Variants in KIAA1328 observed in about 807,000 individuals in gnomAD.
The protein encoded by KIAA1328 is protein hinderin.
A neutral mutation model predicts 68.1 loss-of-function variants in KIAA1328; 52 were observed. The ratio of observed to expected loss-of-function variants is 0.76; its 90% CI spans 0.61 to 0.96. The LOEUF (loss-of-function observed/expected upper bound fraction) is 0.96. Among genes scored for constraint, KIAA1328 ranks in the 40% least tolerant of loss-of-function variants. The probability of loss-of-function intolerance (pLI) is 0.00; values close to 1 mark genes in which losing one functional copy is unlikely to be tolerated. For synonymous variants in KIAA1328, 232 were observed against 239.4 expected (o/e 0.97, Z 0.28); for missense variants, 641 against 677.6 (o/e 0.95, Z 0.60).
chr18:37,031,373 T>G (rs1411877873), intron 6 of KIAA1328, among the ~76,000 whole-genome samples: 1 of 152,198 alleles, frequency 6.6e-6, no homozygotes, highest in African/African-American at 2.4e-5. Context: ...TTAGGATTAT[T>G]ATATAGTCTT....
In KIAA1328 at chr18:37,180,058, CCACACACACACACA is replaced by C. The variant is rs139301794; in HGVS notation, c.1523+7012_1523+7025del. 8.4e-3 allele frequency among the ~76,000 whole-genome samples: 1,127 copies of C among 134,154 alleles called. 16 individuals are homozygous for C. The highest frequency in any genetic ancestry group is 0.027 in the African/African-American group (989 of 37,234). The allele number at this position is 134,154 out of a possible 152,430, so 88.0% of individuals were successfully genotyped here. ...TGACAGCTGCCATGGGATTCAAAAG[CCACACACACACACA>C]CACACACACACACACACACACACAC... On this transcript the variant is annotated intron_variant, in intron 9 of 9. Transcript: ENST00000280020.
intron 3 of KIAA1328, among the ~76,000 whole-genome samples, chr18:36,837,981 ACTT>A (rs1568058939): frequency 6.6e-6 from 1 of 152,044 alleles, no homozygotes; most frequent in African/African-American, 2.4e-5. Flanking sequence ...AAGTCCTCCA[ACTT>A]CTTCTTTTTC....
At chr18:36,876,260 C>A (rs2048121521) in intron 4 of KIAA1328, among the ~76,000 whole-genome samples, 1 of 152,038 alleles carries the variant, frequency 6.6e-6, no homozygotes, top group Non-Finnish European at 1.5e-5. Flanking sequence ...CCTCTTTGTA[C>A]CTCTGATAGA....
At chr18:36,957,795 T>C (rs367727661) in intron 5 of KIAA1328, among the ~76,000 whole-genome samples, 31 of 152,304 alleles carry the variant, frequency 2.0e-4, no homozygotes, top group Middle Eastern at 3.4e-3. Context: ...TTTAAAATAA[T>C]AACTTTATTG....
chr18:37,068,022 A>C (rs2056406341), intron 7 of KIAA1328, among the ~76,000 whole-genome samples: 1 of 152,126 alleles, frequency 6.6e-6, no homozygotes, highest in South Asian at 2.1e-4. Context: ...TATTCTTTGG[A>C]AGACTTCAAA....
intron 9 of KIAA1328, among the ~76,000 whole-genome samples, chr18:37,209,106 A>G (rs1022342923): frequency 1.3e-5 from 2 of 152,208 alleles, no homozygotes; most frequent in Non-Finnish European, 2.9e-5. Flanking sequence ...TCATATGGAA[A>G]AATGGTCCCA....
chr18:37,095,125 A>G (rs1226706588), intron 7 of KIAA1328, among the ~76,000 whole-genome samples: 1 of 152,190 alleles, frequency 6.6e-6, no homozygotes, highest in Non-Finnish European at 1.5e-5. Flanking sequence ...AGCCCTAAAT[A>G]CAACAATAGT....
intron 7 of KIAA1328, among the ~76,000 whole-genome samples, chr18:37,079,521 T>G (rs1234654845): frequency 6.6e-6 from 1 of 151,220 alleles, no homozygotes; most frequent in Admixed American, 6.6e-5. Flanking sequence ...AAAAAAGAAG[T>G]GCAGCTATTT....
chr18:37,191,053 C>T (rs1160550110), intron 9 of KIAA1328, among the ~76,000 whole-genome samples: 2 of 152,172 alleles, frequency 1.3e-5, no homozygotes, highest in Non-Finnish European at 2.9e-5. Flanking sequence ...TCCATTCCTG[C>T]TTTATTCATT....
At position 36,844,316 on chromosome 18, in the gene KIAA1328, T is replaced by G; in HGVS notation, c.332+14T>G. On this transcript the variant is annotated intron_variant, in intron 4 of 9. Coordinates refer to ENST00000280020, the MANE Select transcript of KIAA1328 (RefSeq NM_020776.3). ...AGAACTGGCCAGGTGAGATAAAACC[T>G]TATATGAAATGATTTATTATACAAA... is the stretch of plus-strand genomic sequence containing the variant. 1 of 1,501,046 alleles carries G rather than the reference T, an allele frequency of 6.7e-7. No homozygotes were observed. The highest frequency in any genetic ancestry group is 9.0e-7 in the Non-Finnish European group (1 of 1,107,912). 93.0% of individuals were successfully genotyped at this position (1,501,046 alleles called of 1,614,324 possible). A position where few individuals can be genotyped will look rare whatever the true frequency, so the allele number is the denominator to read the frequency against.
intron 4 of KIAA1328, among the ~76,000 whole-genome samples, chr18:36,844,676 C>T (rs1482494317): frequency 6.6e-6 from 1 of 151,860 alleles, no homozygotes; most frequent in African/African-American, 2.4e-5. Context: ...AAATATTTCA[C>T]TCACAAGAAT....
intron 4 of KIAA1328, among the ~76,000 whole-genome samples, chr18:36,867,060 G>T (rs996452665): frequency 1.3e-5 from 2 of 152,112 alleles, no homozygotes; most frequent in Non-Finnish European, 2.9e-5. Flanking sequence ...ATATAGTTTG[G>T]ATATTTGTCC....
intron 7 of KIAA1328, among the ~76,000 whole-genome samples, chr18:37,103,031 GAGA>G (rs1275336205): frequency 6.6e-6 from 1 of 152,150 alleles, no homozygotes; most frequent in African/African-American, 2.4e-5. Flanking sequence ...GAAAGAAATT[GAGA>G]AGAACACAAA....
intron 6 of KIAA1328, among the ~76,000 whole-genome samples, chr18:36,994,367 G>A (rs1324911848): frequency 1.3e-5 from 2 of 152,086 alleles, no homozygotes; most frequent in African/African-American, 4.8e-5. Flanking sequence ...GAATTTTTTA[G>A]ATCATCTTCT....
chr18:37,197,075 T>A (rs957305814), intron 9 of KIAA1328, among the ~76,000 whole-genome samples: 1 of 152,078 alleles, frequency 6.6e-6, no homozygotes, highest in African/African-American at 2.4e-5. Flanking sequence ...TGGCCTATAG[T>A]CATTCATAAT....
Position 37,221,166 on chromosome 18 carries a change from C to A in KIAA1328, c.1524-851C>A, listed in dbSNP as rs954232723. On this transcript the variant is annotated intron_variant, in intron 9 of 9. Coordinates refer to ENST00000280020, the MANE Select transcript of KIAA1328 (RefSeq NM_020776.3). ...TTACCTCTAAGCTGCTCTGCACTTA[C>A]CCTTTCTGAAAAGAATGCTGGACAC... Among the ~76,000 whole-genome samples the A allele has an allele frequency of 4.6e-5, 7 of 152,134 alleles. No individual in the cohort carries two copies. The East Asian group carries it at 1.3e-3, about 29-fold the overall frequency.
At chr18:36,994,214 A>G (rs756083317) in intron 6 of KIAA1328, among the ~76,000 whole-genome samples, 1 of 152,178 alleles carries the variant, frequency 6.6e-6, no homozygotes, top group Non-Finnish European at 1.5e-5. Context: ...AGTGGAATAA[A>G]TCTCATATTG....
intron 6 of KIAA1328, among the ~76,000 whole-genome samples, chr18:37,018,057 G>A (rs752844823): frequency 2.6e-4 from 39 of 152,056 alleles, no homozygotes; most frequent in African/African-American, 8.2e-4. Context: ...TTATAGTCTC[G>A]TGGGTTATGT....
intron 7 of KIAA1328, among the ~76,000 whole-genome samples, chr18:37,132,685 A>C (rs950703518): frequency 6.6e-6 from 1 of 152,210 alleles, no homozygotes; most frequent in African/African-American, 2.4e-5. Flanking sequence ...TTTATTGATA[A>C]TATAGGAATA....
Sources: allele counts gnomAD v4.1 joint callset (sites outside exome capture counted in the v4.1 genomes callset), GRCh38; gene constraint gnomAD v4.1.1; transcripts MANE v1.5; gene names NCBI Gene and HGNC (gene_info 2026-07-23, HGNC 2026-07-21).